RBFOX1: variants seen among roughly 807,000 people sequenced by gnomAD.
RBFOX1 encodes RNA binding protein fox-1 homolog 1.
In RBFOX1, 8 loss-of-function variants were observed where a neutral mutation model predicts 57.7. The observed-to-expected ratio is 0.14, with a 90% CI of 0.08 to 0.25. RBFOX1 has a LOEUF of 0.25. Among genes scored for constraint, RBFOX1 ranks in the 10% least tolerant of loss-of-function variants. RBFOX1 has a pLI of 1.00. For synonymous variants in RBFOX1, 326 were observed against 222.4 expected (o/e 1.47, Z -4.15); for missense variants, 611 against 548.5 (o/e 1.11, Z -1.14).
At chr16:5,788,343 T>A (rs1203532140) in intron 3 of RBFOX1, among the ~76,000 whole-genome samples, 1 of 152,204 alleles carries the variant, frequency 6.6e-6, no homozygotes, top group Non-Finnish European at 1.5e-5. Flanking sequence ...GAAGGAACAC[T>A]TGTGGCTGGG....
chr16:6,600,262 T>C (rs2097835675), intron 2 of RBFOX1, among the ~76,000 whole-genome samples: 1 of 151,900 alleles, frequency 6.6e-6, no homozygotes, highest in Non-Finnish European at 1.5e-5. Context: ...CTCGGGGCTT[T>C]TGTTCTCAGT....
rs995138730 is a variant in RBFOX1 at position 7,075,911 on chromosome 16, C to T, written c.27+23813C>T. ...TGCATTTCAACATGTAAACAATTTCCTGTAACTGAATAACCATGGCTTTAT... is the reference window on the plus strand; with the variant it reads ...TGCATTTCAACATGTAAACAATTTCTTGTAACTGAATAACCATGGCTTTAT... On this transcript the variant is annotated intron_variant, in intron 4 of 15. Transcript: ENST00000550418. 7.2e-5 allele frequency among the ~76,000 whole-genome samples: 11 copies of T among 151,944 alleles called. No homozygotes were observed. The South Asian group carries it at 1.2e-3, about 17-fold the overall frequency.
intron 2 of RBFOX1, among the ~76,000 whole-genome samples, chr16:6,549,023 T>C (rs2096933721): frequency 6.8e-6 from 1 of 146,982 alleles, no homozygotes; most frequent in African/African-American, 2.5e-5. Context: ...TGCAGTGAGC[T>C]GAGATCATGC....
At chr16:6,352,126 C>G (rs942169198) in intron 2 of RBFOX1, among the ~76,000 whole-genome samples, 96 of 152,160 alleles carry the variant, frequency 6.3e-4, no homozygotes, top group Non-Finnish European at 1.1e-3. Context: ...TCTCCAGTCA[C>G]TTTATATAAT....
rs374376060 is a variant in RBFOX1 at position 5,751,480 on chromosome 16, A to G, written c.319-115823A>G. 1.1e-4 allele frequency among the ~76,000 whole-genome samples: 16 copies of G among 152,266 alleles called. No individual in the cohort carries two copies. The South Asian group carries it at 2.1e-3, about 20-fold the overall frequency. On this transcript the variant is annotated intron_variant, in intron 3 of 19. Coordinates refer to the RBFOX1 transcript ENST00000641259. ...ACTGTAGACTTCTGCTTAAAATCAG[A>G]TAGATTTGCACATAATTGTTTTTGG...
intron 4 of RBFOX1, among the ~76,000 whole-genome samples, chr16:5,882,297 GAAAC>G (rs1437601091): frequency 6.6e-6 from 1 of 152,194 alleles, no homozygotes; most frequent in Non-Finnish European, 1.5e-5. Context: ...GTCACCTTAA[GAAAC>G]TTGTCTTAGA....
chr16:5,496,490 C>G (rs1423595203), intron 2 of RBFOX1, among the ~76,000 whole-genome samples: 1 of 152,134 alleles, frequency 6.6e-6, no homozygotes, highest in African/African-American at 2.4e-5. Context: ...TCTCTCTAGT[C>G]ACATCTTCTT....
chr16:5,299,192 C>T (rs2063747125), intron 1 of RBFOX1, among the ~76,000 whole-genome samples: 1 of 151,856 alleles, frequency 6.6e-6, no homozygotes, highest in African/African-American at 2.4e-5. Context: ...CTATGCACTC[C>T]TTTATGCCTG....
At chr16:6,499,435 C>G (rs555723026) in intron 2 of RBFOX1, among the ~76,000 whole-genome samples, 1 of 151,664 alleles carries the variant, frequency 6.6e-6, no homozygotes, top group African/African-American at 2.4e-5. Flanking sequence ...GTGTTTTTAT[C>G]CCATTGTAGG....
At chr16:6,189,358 C>G (rs188736876) in intron 1 of RBFOX1, among the ~76,000 whole-genome samples, 5 of 152,334 alleles carry the variant, frequency 3.3e-5, no homozygotes, top group Admixed American at 3.3e-4. Flanking sequence ...CTAGTGCGCG[C>G]TGGTTCACAG....
intron 2 of RBFOX1, among the ~76,000 whole-genome samples, chr16:6,636,000 C>T (rs890739648): frequency 6.6e-6 from 1 of 152,266 alleles, no homozygotes; most frequent in African/African-American, 2.4e-5. Flanking sequence ...GCACATCATA[C>T]ACATAACCTG....
chr16:6,565,409 C>T (rs112795654), intron 2 of RBFOX1, among the ~76,000 whole-genome samples: 9 of 144,154 alleles, frequency 6.2e-5, no homozygotes, highest in East Asian at 2.1e-4. Flanking sequence ...AGGCGCCCGC[C>T]ACCATGCCTG....
intron 3 of RBFOX1, among the ~76,000 whole-genome samples, chr16:6,971,003 G>T (rs7198339): frequency 6.6e-6 from 1 of 152,016 alleles, no homozygotes; most frequent in African/African-American, 2.4e-5. Flanking sequence ...ATGTTTAACA[G>T]TTTCCTTCAA....
intron 2 of RBFOX1, among the ~76,000 whole-genome samples, chr16:6,430,016 G>C (rs1046518975): frequency 6.6e-6 from 1 of 151,986 alleles, no homozygotes; most frequent in Non-Finnish European, 1.5e-5. Context: ...GCTGGGGCAG[G>C]AGAATTACTT....
At chr16:6,198,514 G>C (rs1484178503) in intron 1 of RBFOX1, among the ~76,000 whole-genome samples, 2 of 152,166 alleles carry the variant, frequency 1.3e-5, no homozygotes, top group Non-Finnish European at 2.9e-5. Context: ...TATCTCTGTG[G>C]AACTGTGTGA....
chr16:6,947,380 A>C (rs2079761183), intron 3 of RBFOX1, among the ~76,000 whole-genome samples: 1 of 152,198 alleles, frequency 6.6e-6, no homozygotes, highest in Non-Finnish European at 1.5e-5. Context: ...TTGCATCTTA[A>C]TCGCTCTCCC....
In RBFOX1 at chr16:5,572,032, G is replaced by A. The variant is rs80350362; in HGVS notation, c.259-26870G>A. Among the ~76,000 whole-genome samples, 1,090 of 152,272 alleles carry A rather than the reference G, an allele frequency of 7.2e-3. 13 individuals carry two copies. The highest frequency in any genetic ancestry group is 0.01 in the Non-Finnish European group (687 of 68,014). The stretch of plus-strand genomic sequence containing the variant: ...TCTCCATTAGACACACTGCAAAGAG[G>A]AACACAAGAAGCCCTCCTGACATAG... On this transcript the variant is annotated intron_variant, in intron 2 of 2. Coordinates refer to the RBFOX1 transcript ENST00000585867.
intron 2 of RBFOX1, among the ~76,000 whole-genome samples, chr16:6,514,269 T>A (rs1011626156): frequency 1.3e-5 from 2 of 152,174 alleles, no homozygotes; most frequent in Non-Finnish European, 2.9e-5. Flanking sequence ...ACACGGGCAA[T>A]CCTTTCCACT....
intron 4 of RBFOX1, among the ~76,000 whole-genome samples, chr16:5,885,959 G>A (rs2057889609): frequency 6.6e-6 from 1 of 152,134 alleles, no homozygotes; most frequent in Non-Finnish European, 1.5e-5. Flanking sequence ...TTATGTGGGT[G>A]GATTTCTCTG....
Sources: gnomAD v4.1 joint callset for allele counts (sites outside exome capture counted in the v4.1 genomes callset) on GRCh38, gnomAD v4.1.1 for gene constraint, MANE v1.5 for transcripts, NCBI Gene and HGNC (gene_info 2026-07-23, HGNC 2026-07-21) for gene names.